The following EIF2AK4 variants were observed in gnomAD, a reference collection of about 807,000 sequenced individuals.
EIF2AK4 encodes the protein eIF-2-alpha kinase GCN2.
In EIF2AK4, 139 loss-of-function variants were observed where a neutral mutation model predicts 211.1. The ratio of observed to expected loss-of-function variants is 0.66; its 90% CI spans 0.57 to 0.76. The LOEUF is 0.76. EIF2AK4 is among the 30% of genes least tolerant of loss of function. The probability of loss-of-function intolerance (pLI) is 0.00; values close to 1 mark genes in which losing one functional copy is unlikely to be tolerated. For synonymous variants in EIF2AK4, 710 were observed against 751.3 expected, an observed-to-expected ratio of 0.94 and a Z score of 0.90; for missense variants, 1,664 against 2,043.8, an observed-to-expected ratio of 0.81 and a Z score of 3.58.
Position 39,972,908 on chromosome 15 carries a change from A to T in EIF2AK4, c.1554A>T (p.Lys518Asn). The T allele has an allele frequency of 6.2e-7, 1 of 1,613,376 alleles. No individual in the cohort carries two copies. The highest frequency in any genetic ancestry group is 1.3e-5 in the African/African-American group (1 of 74,936). ...AGATTCTTCCTTCCCTCTCACCGAGATGTGTGTGCTTGGATGACAAGGAAA... is the reference window on the plus strand; with the variant it reads ...AGATTCTTCCTTCCCTCTCACCGAGTTGTGTGTGCTTGGATGACAAGGAAA... ...LPADFQDFLK[K>N]CVCLDDKERW... is the part of the protein sequence containing the mutation. The change falls in exon 10 of 39, where the codon AAA (lysine) becomes AAT (asparagine). Residue 518 changes from lysine to asparagine, a missense_variant and splice_region_variant. Physicochemically the swap from Lys to Asn is moderately conservative, Grantham distance 94. Coordinates refer to ENST00000263791, the MANE Select transcript of EIF2AK4 (RefSeq NM_001013703.4).
At chr15:39,998,270 G>GTTTT (rs11435806) in intron 19 of EIF2AK4, among the ~76,000 whole-genome samples, 1 of 125,392 alleles carries the variant, frequency 8.0e-6, no homozygotes, top group African/African-American at 3.2e-5. Flanking sequence ...TTTTTTTTTT[G>GTTTT]TTTTGTTTTT....
At chr15:39,994,602 CT>C (rs1252767936) in intron 18 of EIF2AK4, among the ~76,000 whole-genome samples, 2 of 152,178 alleles carry the variant, frequency 1.3e-5, no homozygotes, top group African/African-American at 4.8e-5. Context: ...GAGCAAGACC[CT>C]GTCTGAATCA....
intron 13 of EIF2AK4, among the ~76,000 whole-genome samples, chr15:39,984,862 G>T (rs576947838): frequency 3.0e-4 from 45 of 152,230 alleles, no homozygotes; most frequent in African/African-American, 1.0e-3. Flanking sequence ...TTGCCTGATT[G>T]CCCTGGCCAG....
chr15:40,020,751 A>G, intron 30 of EIF2AK4, 148 bp from the exon 31 acceptor site: 2 of 561,768 alleles, frequency 3.6e-6, no homozygotes. Flanking sequence ...ATGTGTTTTG[A>G]AGCAAAGTCT....
In EIF2AK4 at chr15:40,020,806, T is replaced by A. The variant is rs1165429491; in HGVS notation, c.4174-93T>A. On this transcript the variant is annotated intron_variant, in intron 30 of 38. Transcript: ENST00000263791. ...TGCAGGATTTCAAGAATGCCCATCT[T>A]CCCAAGAGTGCTGCCTCCCCTCCTG... The A allele has an allele frequency of 2.5e-6, 3 of 1,216,978 alleles. No individual in the cohort carries two copies. In the African/African-American group the frequency reaches 4.6e-5, roughly 19 times the overall value. 75.4% of individuals were successfully genotyped at this position (1,216,978 alleles called of 1,614,324 possible).
chr15:40,035,281 G>C lies in EIF2AK4; in HGVS notation c.*197G>C, dbSNP rs980783136. 1 of 371,722 alleles carries C rather than the reference G, an allele frequency of 2.7e-6. No homozygotes were observed. The highest frequency in any genetic ancestry group is 4.8e-6 in the Non-Finnish European group (1 of 209,282). The allele number at this position is 371,722 out of a possible 1,614,324, so 23.0% of individuals were successfully genotyped here. A position where few individuals can be genotyped will look rare whatever the true frequency, so the allele number is the denominator to read the frequency against. ...AACCAGGAGTTTGAGACCAGCCTGA[G>C]CAACAAAGCAAGACCCCATCTCTAT... is the stretch of plus-strand genomic sequence containing the variant. On this transcript the variant is annotated 3_prime_UTR_variant, in exon 39 of 39. Transcript: ENST00000263791.
intron 35 of EIF2AK4, 151 bp from the exon 36 acceptor site, chr15:40,032,018 A>T (rs1595441039): frequency 7.0e-6 from 5 of 710,984 alleles, no homozygotes; most frequent in East Asian, 5.2e-5. Context: ...GAGCCATCGT[A>T]CCCAGCCAAG....
At chr15:39,983,505 C>T (rs560119306) in intron 13 of EIF2AK4, among the ~76,000 whole-genome samples, 2 of 151,826 alleles carry the variant, frequency 1.3e-5, no homozygotes, top group South Asian at 2.1e-4. Flanking sequence ...TGCAATAGCA[C>T]GATCTCAGCT....
chr15:39,973,706 A>G lies in EIF2AK4; in HGVS notation c.1775A>G (p.Glu592Gly), dbSNP rs775317062. 8 of 1,614,044 alleles carry G rather than the reference A, an allele frequency of 5.0e-6. No individual in the cohort carries two copies. The highest frequency in any genetic ancestry group is 6.8e-6 in the Non-Finnish European group (8 of 1,180,006). The change falls in exon 11 of 39, where the codon GAA becomes GGA. Residue 592 changes from glutamate (E) to glycine (G), a missense_variant. Around this residue, in one of 7 missense-constraint regions of EIF2AK4, gnomAD observed 641 missense variants for 729.6 expected, o/e 0.88. Transcript: ENST00000263791. ...QFSRYFIEFE[E>G]LQLLGKGAFG... Reference sequence around the variant, plus strand: ...TCCCGATACTTCATTGAGTTTGAAGAATTACAACTTCTTGGTAAAGGAGCT... The same window carrying G: ...TCCCGATACTTCATTGAGTTTGAAGGATTACAACTTCTTGGTAAAGGAGCT...
intron 9 of EIF2AK4, among the ~76,000 whole-genome samples, chr15:39,969,814 A>G (rs1332366705): frequency 6.6e-6 from 1 of 152,236 alleles, no homozygotes; most frequent in African/African-American, 2.4e-5. Context: ...AATGCCATTC[A>G]CAAAGAATGA....
At chr15:40,030,251 T>C (rs2035522215) in intron 34 of EIF2AK4, 108 bp from the exon 35 acceptor site, 1 of 1,115,886 alleles carries the variant, frequency 9.0e-7, no homozygotes, top group Non-Finnish European at 1.3e-6. Flanking sequence ...ATCTAGCCCT[T>C]AGAATCACGA....
rs1476671483 is a variant in EIF2AK4, at chr15:39,985,543, A to G, written c.2320-262A>G. Among the ~76,000 whole-genome samples, 4 of 152,324 alleles carry G rather than the reference A, an allele frequency of 2.6e-5. No individual in the cohort carries two copies. The East Asian group carries it at 7.7e-4, about 29-fold the overall frequency. On this transcript the variant is annotated intron_variant, in intron 13 of 38. Transcript: ENST00000263791. ...TATACCCTCCCAAGACTAAACCAGG[A>G]AGAAGTTGAATCCCTGAATAGACCA...
chr15:39,956,893 C>T (rs1399386493), intron 6 of EIF2AK4, among the ~76,000 whole-genome samples: 1 of 152,106 alleles, frequency 6.6e-6, no homozygotes, highest in Non-Finnish European at 1.5e-5. Flanking sequence ...TAGAAGGAGC[C>T]ATTTTAGTTC....
chr15:39,992,693 C>T (rs1053855224), intron 17 of EIF2AK4, 76 bp from the exon 18 acceptor site: 4 of 1,325,228 alleles, frequency 3.0e-6, no homozygotes, highest in South Asian at 1.2e-5. Flanking sequence ...TTTTAAGAAA[C>T]CTTTTTTTGT....
Position 40,022,750 on chromosome 15 carries a change from T to A in EIF2AK4, c.4389+145T>A, listed in dbSNP as rs956995945. The A allele has an allele frequency of 6.0e-6, 4 of 665,386 alleles. No homozygotes were observed. The African/African-American group carries it at 7.4e-5, about 12-fold the overall frequency. The allele number at this position is 665,386 out of a possible 1,614,324, so 41.2% of individuals were successfully genotyped here. A position where few individuals can be genotyped will look rare whatever the true frequency, so the allele number is the denominator to read the frequency against. On this transcript the variant is annotated intron_variant, in intron 32 of 38. Transcript: ENST00000263791. ...TTCCATTGTTGGGTTTCTTTTTTTTTTTTGAGACGGAGTCTCGCTGTCTCC... is the reference window on the plus strand; with the variant it reads ...TTCCATTGTTGGGTTTCTTTTTTTTATTTGAGACGGAGTCTCGCTGTCTCC...
rs748889505 is a variant in EIF2AK4 at position 40,034,332 on chromosome 15, G to A, written c.4780G>A (p.Ala1594Thr). The change falls in exon 38 of 39, where the codon GCT becomes ACT. Residue 1594 changes from alanine (A) to threonine (T), a missense_variant. Coordinates refer to ENST00000263791, the MANE Select transcript of EIF2AK4 (RefSeq NM_001013703.4). ...ILQFLSLEWD[A>T]DEQAFNTTVK... Reference sequence around the variant, plus strand: ...TTATCTATTTTTTTCCTAGTGGGATGCTGATGAACAGGCATTTAACACAAC... The same window carrying A: ...TTATCTATTTTTTTCCTAGTGGGATACTGATGAACAGGCATTTAACACAAC... 6.2e-7 allele frequency: 1 copy of A among 1,613,754 alleles called. No homozygotes were observed. The highest frequency in any genetic ancestry group is 8.5e-7 in the Non-Finnish European group (1 of 1,179,806).
At chr15:40,009,566 C>T (rs761603957) in intron 25 of EIF2AK4, 48 bp from the exon 26 acceptor site, 7 of 1,188,604 alleles carry the variant, frequency 5.9e-6, no homozygotes, top group Non-Finnish European at 7.3e-6. Flanking sequence ...GGTCATGTAC[C>T]AGTAATTGCT....
rs567023068 is a variant in EIF2AK4, at chr15:39,976,749, G to A, written c.2154G>A (p.Ser718=). The A allele has an allele frequency of 1.3e-6, 2 of 1,598,978 alleles. No individual in the cohort carries two copies. The highest frequency in any genetic ancestry group is 1.1e-5 in the South Asian group (1 of 89,334). ...AGTGGAGCACTTCGGGCGAGCGCTC[G>A]GCCAGTGCCCGTTTCCCCGCCACCG... The part of the protein sequence containing the change: ...SVEWSTSGER[S]ASARFPATGP... Residue 718 remains serine (S), a synonymous_variant, in exon 12 of 39, where the codon TCG becomes TCA. Coordinates refer to ENST00000263791, the MANE Select transcript of EIF2AK4 (RefSeq NM_001013703.4).
At chr15:40,005,820 C>A (rs757769321) in intron 23 of EIF2AK4, among the ~76,000 whole-genome samples, 1 of 152,104 alleles carries the variant, frequency 6.6e-6, no homozygotes, top group Non-Finnish European at 1.5e-5. Context: ...ATCCGCCCAC[C>A]TGGGCCTCCC....
Sources: gnomAD v4.1 joint callset for allele counts (sites outside exome capture counted in the v4.1 genomes callset) on GRCh38, gnomAD v4.1.1 for gene constraint, gnomAD v4.1.1 regional missense constraint, MANE v1.5 for transcripts, NCBI Gene and HGNC (gene_info 2026-07-23, HGNC 2026-07-21) for gene names.